The following CELF2 variants were observed in gnomAD, a reference collection of about 807,000 sequenced individuals.
The protein encoded by CELF2 is CUG triplet repeat RNA-binding protein 2.
Under a neutral mutation model 62.6 loss-of-function variants are expected in CELF2, and 8 were observed. The observed-to-expected ratio is 0.13, with a 90% CI of 0.07 to 0.23. CELF2 has a LOEUF of 0.23. Among genes scored for constraint, CELF2 ranks in the 10% least tolerant of loss-of-function variants. The pLI is 1.00. For synonymous variants in CELF2, 258 were observed against 250.0 expected (o/e 1.03, Z -0.30); for missense variants, 333 against 671.0 (o/e 0.50, Z 5.56).
intron 9 of CELF2, among the ~76,000 whole-genome samples, chr10:11,293,254 A>G (rs1235692167): frequency 1.3e-5 from 2 of 152,252 alleles, no homozygotes; most frequent in Non-Finnish European, 2.9e-5. Context: ...CTCATTCTTG[A>G]GAATAGTGTG....
At chr10:10,981,950 CTTT>C (rs34134637) in intron 2 of CELF2, among the ~76,000 whole-genome samples, 1 of 125,346 alleles carries the variant, frequency 8.0e-6, no homozygotes, top group Non-Finnish European at 1.7e-5. Flanking sequence ...CTTCCTTTTC[CTTT>C]TTTTTTTTTT....
chr10:11,152,881 C>A (rs907372575), intron 1 of CELF2, among the ~76,000 whole-genome samples: 1 of 152,128 alleles, frequency 6.6e-6, no homozygotes, highest in Non-Finnish European at 1.5e-5. Flanking sequence ...TATCCAGCAC[C>A]CCAGCATCGA....
chr10:10,715,104 G>T, the CELF2 span, among the ~76,000 whole-genome samples: 4 of 152,108 alleles, frequency 2.6e-5, no homozygotes, highest in Non-Finnish European at 4.4e-5. Context: ...TAAAAATAAA[G>T]CATCTCTGAA....
At chr10:10,723,459 TC>T in the CELF2 span, among the ~76,000 whole-genome samples, 2 of 152,242 alleles carry the variant, frequency 1.3e-5, no homozygotes, top group African/African-American at 4.8e-5. Context: ...TGCAAATGTA[TC>T]TTCAATTCTT....
chr10:11,005,570 A>G lies in CELF2; in HGVS notation c.53+130A>G. 1 of 1,386,628 alleles carries G rather than the reference A, an allele frequency of 7.2e-7. No homozygotes were observed. Among genetic ancestry groups the G allele is most frequent in the Non-Finnish European group, 1.0e-6 (1 of 991,970 alleles). The allele number at this position is 1,386,628 out of a possible 1,614,324, so 85.9% of individuals were successfully genotyped here. On this transcript the variant is annotated intron_variant, in intron 1 of 12. Transcript: ENST00000416382. This position sits in a 1 kb window ranked among gnomAD's most constrained non-coding sequence, Gnocchi z 4.3. ...AGAAGGGGGGAAAAAGAATCTAAAGAGGAAGAGGGAGATGAAATCGAGACC... is the reference window on the plus strand; with the variant it reads ...AGAAGGGGGGAAAAAGAATCTAAAGGGGAAGAGGGAGATGAAATCGAGACC...
rs192978423 is a variant in CELF2 at position 10,820,895 on chromosome 10, T to A, written c.53+22078T>A. Among the ~76,000 whole-genome samples the A allele has an allele frequency of 2.3e-3, 349 of 152,308 alleles. 2 individuals carry two copies. Among genetic ancestry groups the A allele is most frequent in the Non-Finnish European group, 2.8e-3 (191 of 68,028 alleles). On this transcript the variant is annotated intron_variant, in intron 1 of 13. Coordinates refer to the CELF2 transcript ENST00000636488. ...TTCATTCTGAGAATGGTGGAGAGGA[T>A]GCATTTGAAGGGAACCAGAGTGAAT...
chr10:11,135,291 A>G (rs1001064544), intron 1 of CELF2, among the ~76,000 whole-genome samples: 6 of 152,230 alleles, frequency 3.9e-5, no homozygotes, highest in African/African-American at 1.4e-4. Flanking sequence ...TGCAGCGTCT[A>G]TATTAACCTG....
chr10:10,908,023 T>C (rs2063482934), intron 1 of CELF2, among the ~76,000 whole-genome samples: 1 of 152,014 alleles, frequency 6.6e-6, no homozygotes, highest in Admixed American at 6.6e-5. Context: ...TCTCTCTCTC[T>C]CCTTTATGCT....
At chr10:10,473,130 G>A in the CELF2 span, among the ~76,000 whole-genome samples, 6 of 151,962 alleles carry the variant, frequency 3.9e-5, no homozygotes, top group African/African-American at 1.2e-4. Context: ...TTGAAAATAA[G>A]GTCATTGCTG....
chr10:11,275,248 CTT>C (rs2085584632), intron 8 of CELF2, 128 bp downstream of exon 8: 2 of 1,006,524 alleles, frequency 2.0e-6, no homozygotes, highest in Non-Finnish European at 3.1e-6. Flanking sequence ...AGCTTTCTGT[CTT>C]TGGTGTTAAC....
At chr10:10,869,649 A>G (rs933931869) in intron 1 of CELF2, among the ~76,000 whole-genome samples, 3 of 152,090 alleles carry the variant, frequency 2.0e-5, no homozygotes, top group African/African-American at 4.8e-5. Context: ...CTAAAACACA[A>G]CATTTTCTAA....
At chr10:10,884,825 G>C (rs891445125) in intron 1 of CELF2, among the ~76,000 whole-genome samples, 2 of 152,178 alleles carry the variant, frequency 1.3e-5, no homozygotes, top group African/African-American at 4.8e-5. Context: ...GGGCACCTTG[G>C]TCTTTTTGTG....
rs368153165 is a variant in CELF2, at chr10:11,192,754, CT to C, written c.272-24670del. On this transcript the variant is annotated intron_variant, in intron 2 of 12. Coordinates refer to ENST00000633077, the MANE Select transcript of CELF2 (RefSeq NM_001326342.2). Reference sequence around the variant, plus strand: ...AAATGGGATGCCATGGTTTTAACCCCTGGCGTGCGTTAGAATCACCTAGAGG... The same window carrying C: ...AAATGGGATGCCATGGTTTTAACCCCGGCGTGCGTTAGAATCACCTAGAGG... Among the ~76,000 whole-genome samples the C allele has an allele frequency of 2.6e-3, 399 of 152,292 alleles. 2 individuals carry two copies. Among genetic ancestry groups the C allele is most frequent in the Non-Finnish European group, 4.4e-3 (298 of 68,034 alleles).
chr10:11,226,717 C>T (rs569268366), intron 3 of CELF2, among the ~76,000 whole-genome samples: 7 of 152,072 alleles, frequency 4.6e-5, no homozygotes, highest in Non-Finnish European at 7.3e-5. Flanking sequence ...GCCATGTTCC[C>T]TTGCACAGGT....
chr10:11,239,327 A>C (rs975444782), intron 3 of CELF2, among the ~76,000 whole-genome samples: 3 of 152,156 alleles, frequency 2.0e-5, no homozygotes, highest in African/African-American at 7.2e-5. Context: ...CCAAAATCAG[A>C]TATATAATCC....
At chr10:11,121,393 T>A (rs1219982846) in intron 1 of CELF2, among the ~76,000 whole-genome samples, 1 of 152,168 alleles carries the variant, frequency 6.6e-6, no homozygotes, top group East Asian at 1.9e-4. Context: ...TAAGCAGCAT[T>A]TTCTGTTTTG....
chr10:10,476,357 G>A, the CELF2 span, among the ~76,000 whole-genome samples: 15 of 152,230 alleles, frequency 9.9e-5, no homozygotes, highest in East Asian at 1.9e-3. Context: ...TGATGCAGAG[G>A]CAAAGGGCTA....
the CELF2 span, among the ~76,000 whole-genome samples, chr10:10,706,762 A>G: frequency 1.3e-5 from 2 of 152,162 alleles, no homozygotes; most frequent in African/African-American, 4.8e-5. Context: ...AAAATACTCA[A>G]ATTTCCAGAC....
chr10:10,725,179 A>G, the CELF2 span, among the ~76,000 whole-genome samples: 1 of 152,072 alleles, frequency 6.6e-6, no homozygotes, highest in African/African-American at 2.4e-5. Flanking sequence ...TGACAAATCA[A>G]TTTTTTTGTT....
Sources: gnomAD v4.1 joint callset for allele counts (sites outside exome capture counted in the v4.1 genomes callset) on GRCh38, gnomAD v4.1.1 for gene constraint, Gnocchi (gnomAD v3.1) non-coding constraint, MANE v1.5 for transcripts, NCBI Gene and HGNC (gene_info 2026-07-23, HGNC 2026-07-21) for gene names.